The following PARL variants were observed in gnomAD, a reference collection of about 807,000 sequenced individuals.
PARL encodes presenilin associated rhomboid like, also known as presenilin-associated rhomboid-like protein, mitochondrial.
Under a neutral mutation model 51.6 loss-of-function variants are expected in PARL, and 44 were observed. The observed-to-expected ratio is 0.85, with a 90% CI of 0.67 to 1.10. The LOEUF (loss-of-function observed/expected upper bound fraction) is 1.10, where lower values mean the gene tolerates loss of function less well. Among genes scored for constraint, PARL ranks in the 50% least tolerant of loss-of-function variants. PARL has a pLI of 0.00. For missense variants in PARL, 441 were observed against 469.5 expected, an observed-to-expected ratio of 0.94 and a Z score of 0.56; for synonymous variants, 172 against 164.0, an observed-to-expected ratio of 1.05 and a Z score of -0.37.
chr3:183,853,049 G>T (rs1277005539), intron 4 of PARL, among the ~76,000 whole-genome samples: 1 of 152,122 alleles, frequency 6.6e-6, no homozygotes, highest in African/African-American at 2.4e-5. Context: ...CAGAAGAGAA[G>T]CCTCATGACA....
chr3:183,842,829 A>AAAT (rs1177131786), intron 5 of PARL, among the ~76,000 whole-genome samples: 1 of 71,550 alleles, frequency 1.4e-5, no homozygotes, highest in Admixed American at 1.7e-4. Flanking sequence ...AAAAAAAAAA[A>AAAT]TTTATGAAAC....
chr3:183,855,379 G>A (rs1360860365), intron 4 of PARL, among the ~76,000 whole-genome samples: 3 of 152,002 alleles, frequency 2.0e-5, no homozygotes, highest in East Asian at 1.9e-4. Context: ...CTCTGACCTC[G>A]GCCTCCTAAG....
chr3:183,882,221 AAATATATATATATATATATATATTT>A (rs1388407708), intron 1 of PARL, among the ~76,000 whole-genome samples: 71 of 48,290 alleles, frequency 1.5e-3, no homozygotes, highest in African/African-American at 9.0e-3. Context: ...AAAAAAAAAA[AAATATATATATATATATATATATTT>A]ATATATATAT....
At chr3:183,867,455 CT>C (rs1732629102) in intron 2 of PARL, among the ~76,000 whole-genome samples, 1 of 152,182 alleles carries the variant, frequency 6.6e-6, no homozygotes, top group African/African-American at 2.4e-5. Context: ...AATCCCAGAA[CT>C]TTGGGAGGCC....
intron 1 of PARL, among the ~76,000 whole-genome samples, chr3:183,875,367 A>G (rs1278691351): frequency 8.0e-6 from 1 of 124,740 alleles, no homozygotes; most frequent in African/African-American, 3.1e-5. Context: ...GTGAGCTGAG[A>G]TTGTGCCACT....
chr3:183,883,926 A>C (rs1577413506), intron 1 of PARL, among the ~76,000 whole-genome samples: 1 of 152,176 alleles, frequency 6.6e-6, no homozygotes, highest in Non-Finnish European at 1.5e-5. Context: ...TGACTATCCC[A>C]CGTGTTGATA....
At chr3:183,843,358 A>C (rs1729564485) in intron 5 of PARL, 1 of 928,822 alleles carries the variant, frequency 1.1e-6, no homozygotes, top group South Asian at 5.0e-5. Flanking sequence ...TGCACTAAAA[A>C]CAAAAAAAAT....
chr3:183,879,179 T>C (rs990965559), intron 1 of PARL, among the ~76,000 whole-genome samples: 3 of 152,222 alleles, frequency 2.0e-5, no homozygotes, highest in Non-Finnish European at 2.9e-5. Context: ...AACCATACTC[T>C]AGAATTTCCA....
At chr3:183,834,046 C>T (rs577319006) in intron 7 of PARL, among the ~76,000 whole-genome samples, 3 of 152,292 alleles carry the variant, frequency 2.0e-5, no homozygotes, top group South Asian at 2.1e-4. Context: ...ATTTTTACTA[C>T]GGGGCAGTAA....
At chr3:183,853,366 C>A (rs180676913) in intron 4 of PARL, among the ~76,000 whole-genome samples, 17 of 152,182 alleles carry the variant, frequency 1.1e-4, no homozygotes, top group Admixed American at 3.9e-4. Flanking sequence ...GTTTCGAGAC[C>A]AGCCTGGCCA....
At position 183,867,880 on chromosome 3, in the gene PARL, T is replaced by C. The variant is rs781424192; in HGVS notation, c.306A>G (p.Leu102=). ...PYPIRSLIKP[L]FFTVGFTGCA... ...GAGCTCTTACCCCAACAGTAAAAAA[T>C]AAAGGTTTTATGAGACTCCTTATAG... The change falls in exon 2 of 10, where the codon TTA becomes TTG. Residue 102 remains leucine, a synonymous_variant. Transcript: ENST00000317096. The C allele has an allele frequency of 6.2e-7, 1 of 1,612,224 alleles. No homozygotes were observed. Among genetic ancestry groups the C allele is most frequent in the Non-Finnish European group, 8.5e-7 (1 of 1,178,860 alleles).
Position 183,840,474 on chromosome 3 carries a change from C to A in PARL, c.828+96G>T, listed in dbSNP as rs988992315. 2.4e-5 allele frequency: 16 copies of A among 654,050 alleles called. No individual in the cohort carries two copies. In the African/African-American group the frequency reaches 2.8e-4, roughly 11 times the overall value. 40.5% of individuals were successfully genotyped at this position (654,050 alleles called of 1,614,324 possible). A position where few individuals can be genotyped will look rare whatever the true frequency, so the allele number is the denominator to read the frequency against. On this transcript the variant is annotated intron_variant, in intron 7 of 9. Transcript: ENST00000317096. ...CAGTAGGGTGAAGGGTATATGAGAA[C>A]CTCTTATCAATTTTACAACATTCTT...
intron 1 of PARL, among the ~76,000 whole-genome samples, chr3:183,871,860 T>C (rs1228599261): frequency 1.3e-5 from 2 of 152,218 alleles, no homozygotes; most frequent in Admixed American, 6.5e-5. Context: ...CATTTTACTA[T>C]ATGTAAACTG....
chr3:183,872,884 C>T (rs1733374155), intron 1 of PARL, among the ~76,000 whole-genome samples: 1 of 152,144 alleles, frequency 6.6e-6, no homozygotes, highest in South Asian at 2.1e-4. Flanking sequence ...AAGAGAAAGG[C>T]CAAGGGATTC....
chr3:183,845,564 A>C (rs1385804972), intron 4 of PARL, among the ~76,000 whole-genome samples: 1 of 152,234 alleles, frequency 6.6e-6, no homozygotes, highest in African/African-American at 2.4e-5. Context: ...TTGGTAAATA[A>C]TTACCCAGAA....
At chr3:183,859,599 A>G (rs1406545741) in intron 4 of PARL, among the ~76,000 whole-genome samples, 1 of 152,258 alleles carries the variant, frequency 6.6e-6, no homozygotes, top group Non-Finnish European at 1.5e-5. Flanking sequence ...AAGTGCTCCC[A>G]AAGTGCTGGG....
Position 183,829,325 on chromosome 3 carries a change from T to C in PARL, c.*273A>G. ...GTGCACTCTCCCCAGGTCCTGTCAA[T>C]GCAACAACCAAAGCAAAATGCCAGA... is the stretch of plus-strand genomic sequence containing the variant. On this transcript the variant is annotated 3_prime_UTR_variant, in exon 10 of 10. Coordinates refer to ENST00000317096, the MANE Select transcript of PARL (RefSeq NM_018622.7). The C allele has an allele frequency of 2.6e-6, 3 of 1,151,362 alleles. No homozygotes were observed. The highest frequency in any genetic ancestry group is 3.5e-6 in the Non-Finnish European group (3 of 868,828). The allele number at this position is 1,151,362 out of a possible 1,614,324, so 71.3% of individuals were successfully genotyped here.
chr3:183,879,028 C>T (rs1315178060), intron 1 of PARL, among the ~76,000 whole-genome samples: 1 of 152,228 alleles, frequency 6.6e-6, no homozygotes, highest in Non-Finnish European at 1.5e-5. Context: ...ATTCCTCACT[C>T]TTCCAACAAT....
chr3:183,848,487 C>A (rs574887838), intron 4 of PARL, among the ~76,000 whole-genome samples: 4 of 152,162 alleles, frequency 2.6e-5, no homozygotes, highest in African/African-American at 7.2e-5. Flanking sequence ...GTGATCTGCC[C>A]GCGTCGGCCT....
Sources: allele counts gnomAD v4.1 joint callset (sites outside exome capture counted in the v4.1 genomes callset), GRCh38; gene constraint gnomAD v4.1.1; transcripts MANE v1.5; gene names NCBI Gene and HGNC (gene_info 2026-07-23, HGNC 2026-07-21).